TLE1: variants seen among roughly 807,000 people sequenced by gnomAD.
The protein encoded by TLE1 is TLE family member 1, transcriptional corepressor.
TLE1 carries 21 observed loss-of-function variants against 89.8 expected under a neutral mutation model. The observed-to-expected ratio is 0.23, with a 90% CI of 0.17 to 0.34. TLE1 has a LOEUF of 0.34. TLE1 is among the 10% of genes least tolerant of loss of function. The pLI is 1.00. For synonymous variants in TLE1, 447 were observed against 407.6 expected, an observed-to-expected ratio of 1.10 and a Z score of -1.16; for missense variants, 795 against 1,031.2, an observed-to-expected ratio of 0.77 and a Z score of 3.14.
At chr9:81,587,327 T>C (rs1237564327) in intron 17 of TLE1, among the ~76,000 whole-genome samples, 1 of 152,156 alleles carries the variant, frequency 6.6e-6, no homozygotes, top group African/African-American at 2.4e-5. Context: ...CAAAAAATCA[T>C]CTCCTACTCC....
At chr9:81,588,737 G>T (rs1029488593) in intron 16 of TLE1, among the ~76,000 whole-genome samples, 1 of 152,096 alleles carries the variant, frequency 6.6e-6, no homozygotes, top group Admixed American at 6.6e-5. Flanking sequence ...GGAAGGTGGT[G>T]GGGGAGGCAG....
At chr9:81,666,140 T>C (rs1365683613) in intron 4 of TLE1, among the ~76,000 whole-genome samples, 1 of 152,138 alleles carries the variant, frequency 6.6e-6, no homozygotes, top group African/African-American at 2.4e-5. Flanking sequence ...TCACAGGAAA[T>C]GGTATTGACT....
rs561467259 is a variant in TLE1 at position 81,615,277 on chromosome 9, C to T, written c.918+705G>A. On this transcript the variant is annotated intron_variant, in intron 11 of 19. Coordinates refer to ENST00000376499, the MANE Select transcript of TLE1 (RefSeq NM_005077.5). Reference sequence around the variant, plus strand: ...CTGGGAGGTGGAGGTTGCAGTGTGCCGAGATCACGCCACTGCACTCCAGCC... The same window carrying T: ...CTGGGAGGTGGAGGTTGCAGTGTGCTGAGATCACGCCACTGCACTCCAGCC... Among the ~76,000 whole-genome samples the T allele has an allele frequency of 3.9e-4, 57 of 147,370 alleles. 1 individual carries two copies. In the South Asian group the frequency reaches 0.011, roughly 29 times the overall value.
intron 4 of TLE1, among the ~76,000 whole-genome samples, chr9:81,677,243 C>A (rs542673773): frequency 6.9e-5 from 10 of 145,488 alleles, no homozygotes; most frequent in African/African-American, 1.5e-4. Context: ...TCTTCCCCCC[C>A]CCAAAAAAAA....
In TLE1 at chr9:81,583,967, T is replaced by C. The variant is rs1185803054; in HGVS notation, c.*231A>G. On this transcript the variant is annotated 3_prime_UTR_variant, in exon 20 of 20. Transcript: ENST00000376499. ...TTCCGTTCCTCAATCCTACAACCCA[T>C]GGCCCCTCTGTCCGCTTGGCCTTGG... 4 of 524,842 alleles carry C rather than the reference T, an allele frequency of 7.6e-6. No individual in the cohort carries two copies. The highest frequency in any genetic ancestry group is 6.3e-5 in the Admixed American group (2 of 31,934). 32.5% of individuals were successfully genotyped at this position (524,842 alleles called of 1,614,324 possible). A position where few individuals can be genotyped will look rare whatever the true frequency, so the allele number is the denominator to read the frequency against.
rs58357123 is a variant in TLE1 at position 81,666,776 on chromosome 9, AAAATAAATAAAT to A, written c.235-12752_235-12741del. Among the ~76,000 whole-genome samples, 130 of 141,876 alleles carry A rather than the reference AAAATAAATAAAT, an allele frequency of 9.2e-4. 1 individual carries two copies. The East Asian group carries it at 0.019, about 21-fold the overall frequency. 93.1% of individuals were successfully genotyped at this position (141,876 alleles called of 152,430 possible). A position where few individuals can be genotyped will look rare whatever the true frequency, so the allele number is the denominator to read the frequency against. Reference sequence around the variant, plus strand: ...GGTGACAGAGCAAGACTCGTCTCACAAAATAAATAAATAAATAAATAAATAAATAAATAAAAT... The same window carrying A: ...GGTGACAGAGCAAGACTCGTCTCACAAAATAAATAAATAAATAAATAAAAT... On this transcript the variant is annotated intron_variant, in intron 4 of 19. Coordinates refer to ENST00000376499, the MANE Select transcript of TLE1 (RefSeq NM_005077.5).
rs919602095 is a variant in TLE1, at chr9:81,634,455, C to G, written c.373-154G>C. Among the ~76,000 whole-genome samples, 29 of 149,754 alleles carry G rather than the reference C, an allele frequency of 1.9e-4. No homozygotes were observed. In the Admixed American group the frequency reaches 2.0e-3, roughly 10 times the overall value. On this transcript the variant is annotated intron_variant, in intron 6 of 19. Transcript: ENST00000376499. ...GGTTCAACAAACACACAAAAGGAGC[C>G]AAGAAAGAGAGGGAGGAAAGGGGAA...
chr9:81,637,370 A>T (rs946364286), intron 6 of TLE1, among the ~76,000 whole-genome samples: 1 of 152,186 alleles, frequency 6.6e-6, no homozygotes, highest in Non-Finnish European at 1.5e-5. Context: ...AAAAGAAAAA[A>T]GATGAACTGG....
chr9:81,681,810 T>G (rs1833665919), intron 4 of TLE1, among the ~76,000 whole-genome samples: 1 of 152,204 alleles, frequency 6.6e-6, no homozygotes, highest in Admixed American at 6.5e-5. Flanking sequence ...CTGATTCTCC[T>G]AACTTTTAGA....
chr9:81,610,457 T>TA (rs1197217601), intron 13 of TLE1, among the ~76,000 whole-genome samples, 161 bp from the exon 14 acceptor site: 13 of 152,270 alleles, frequency 8.5e-5, no homozygotes, highest in African/African-American at 2.9e-4. Context: ...CAAGAGGTAA[T>TA]ATAAGCACCC....
At position 81,688,826 on chromosome 9, in the gene TLE1, G is replaced by A. The variant is rs968242454; in HGVS notation, c.-586C>T. 2.6e-5 allele frequency: 4 copies of A among 152,356 alleles called. No homozygotes were observed. Among genetic ancestry groups the A allele is most frequent in the African/African-American group, 4.8e-5 (2 of 41,474 alleles). The allele number at this position is 152,356 out of a possible 1,614,324, so 9.4% of individuals were successfully genotyped here. A position where few individuals can be genotyped will look rare whatever the true frequency, so the allele number is the denominator to read the frequency against. ...CTGCGCCTTCGGCCGGGTGCTCGCA[G>A]GCTCCCGGGACGCAAAGGGGAGCGA... On this transcript the variant is annotated 5_prime_UTR_variant, in exon 1 of 20. Transcript: ENST00000376499.
chr9:81,606,074 C>G (rs1489569034), intron 14 of TLE1, among the ~76,000 whole-genome samples: 1 of 152,120 alleles, frequency 6.6e-6, no homozygotes, highest in East Asian at 1.9e-4. Context: ...CAATGAGATA[C>G]CATCTCATGC....
intron 4 of TLE1, among the ~76,000 whole-genome samples, chr9:81,682,757 T>C (rs1414469065): frequency 1.3e-5 from 2 of 152,186 alleles, no homozygotes; most frequent in South Asian, 2.1e-4. Flanking sequence ...CATGAGACAT[T>C]GTCTACCTCT....
At chr9:81,669,536 C>A (rs1278062019) in intron 4 of TLE1, among the ~76,000 whole-genome samples, 4 of 152,180 alleles carry the variant, frequency 2.6e-5, no homozygotes, top group African/African-American at 9.6e-5. Context: ...TACAGAGAAT[C>A]ATCTGCAGTG....
chr9:81,635,762 C>CA (rs950196897), intron 6 of TLE1, among the ~76,000 whole-genome samples: 90 of 152,332 alleles, frequency 5.9e-4, no homozygotes, highest in African/African-American at 1.9e-3. Flanking sequence ...ATCCCAAACA[C>CA]AGTTCCCAGC....
intron 11 of TLE1, 26 bp downstream of exon 11, chr9:81,615,956 G>A: frequency 6.2e-7 from 1 of 1,612,360 alleles, no homozygotes; most frequent in Non-Finnish European, 8.5e-7. Context: ...CTGCCAAACA[G>A]GCAAGTGTCA....
At chr9:81,636,392 C>T (rs1827363618) in intron 6 of TLE1, among the ~76,000 whole-genome samples, 1 of 136,098 alleles carries the variant, frequency 7.3e-6, no homozygotes, top group Admixed American at 8.7e-5. Flanking sequence ...AACAGGACTG[C>T]CCTACCAGCA....
intron 9 of TLE1, among the ~76,000 whole-genome samples, chr9:81,620,013 C>T (rs1363000440): frequency 1.3e-5 from 2 of 152,180 alleles, no homozygotes. Context: ...AATTTTTACT[C>T]TATTTTAGCA....
chr9:81,685,127 C>T (rs953968039), intron 4 of TLE1, among the ~76,000 whole-genome samples: 4 of 152,138 alleles, frequency 2.6e-5, no homozygotes, highest in African/African-American at 4.8e-5. Flanking sequence ...TTCACATCCA[C>T]ACCTGCAACA....
Sources: allele counts gnomAD v4.1 joint callset (sites outside exome capture counted in the v4.1 genomes callset), GRCh38; gene constraint gnomAD v4.1.1; transcripts MANE v1.5; gene names NCBI Gene and HGNC (gene_info 2026-07-23, HGNC 2026-07-21).